The following MAGI2 variants were observed in gnomAD, a reference collection of about 807,000 sequenced individuals.
MAGI2 encodes membrane associated guanylate kinase, WW and PDZ domain containing 2.
A neutral mutation model predicts 133.3 loss-of-function variants in MAGI2; 35 were observed. The observed-to-expected ratio is 0.26, with a 90% CI of 0.20 to 0.35. The LOEUF is 0.35. MAGI2 is among the 10% of genes least tolerant of loss of function. The pLI is 1.00. For synonymous variants in MAGI2, 729 were observed against 710.6 expected, an observed-to-expected ratio of 1.03 and a Z score of -0.41; for missense variants, 1,636 against 1,863.4, an observed-to-expected ratio of 0.88 and a Z score of 2.25.
chr7:78,185,881 A>G (rs1415626622), intron 12 of MAGI2, among the ~76,000 whole-genome samples: 1 of 152,164 alleles, frequency 6.6e-6, no homozygotes, highest in Non-Finnish European at 1.5e-5. Flanking sequence ...TTTTACATGC[A>G]TCCAAAATAG....
At chr7:78,772,982 T>G (rs1825710776) in intron 2 of MAGI2, among the ~76,000 whole-genome samples, 1 of 152,262 alleles carries the variant, frequency 6.6e-6, no homozygotes, top group African/African-American at 2.4e-5. Flanking sequence ...GAGTTTTGTT[T>G]TGTTTGTTTT....
intron 2 of MAGI2, among the ~76,000 whole-genome samples, chr7:78,762,338 G>T (rs540389969): frequency 6.6e-6 from 1 of 152,122 alleles, no homozygotes; most frequent in Non-Finnish European, 1.5e-5. Flanking sequence ...AGTTACTCAG[G>T]AGGCTGAGGC....
At chr7:78,562,053 T>C (rs12705591) in intron 3 of MAGI2, among the ~76,000 whole-genome samples, 14,484 of 152,182 alleles carry the variant, frequency 0.095, 801 homozygotes, top group African/African-American at 0.13. Context: ...AACGCTCTAT[T>C]AGGGTACATG....
chr7:78,826,246 C>A (rs1342604610), intron 2 of MAGI2, among the ~76,000 whole-genome samples: 3 of 150,310 alleles, frequency 2.0e-5, no homozygotes, highest in Admixed American at 1.3e-4. Flanking sequence ...CCCAGCTATT[C>A]AGGAGGCTGA....
chr7:78,963,364 T>C (rs936939259), intron 2 of MAGI2, among the ~76,000 whole-genome samples: 1 of 152,132 alleles, frequency 6.6e-6, no homozygotes, highest in African/African-American at 2.4e-5. Flanking sequence ...GATATTTCAA[T>C]TGGAGTAGTA....
intron 2 of MAGI2, among the ~76,000 whole-genome samples, chr7:78,954,690 C>T (rs1464904285): frequency 6.6e-6 from 1 of 152,150 alleles, no homozygotes; most frequent in Non-Finnish European, 1.5e-5. Context: ...TCCCTGCATA[C>T]TGCATAACAT....
At chr7:78,343,532 G>C (rs1790604872) in intron 9 of MAGI2, among the ~76,000 whole-genome samples, 1 of 152,164 alleles carries the variant, frequency 6.6e-6, no homozygotes, top group South Asian at 2.1e-4. Context: ...AATCTCAAGA[G>C]TCCATTGAAT....
intron 2 of MAGI2, among the ~76,000 whole-genome samples, chr7:78,801,925 C>T (rs1175852523): frequency 6.6e-6 from 1 of 152,148 alleles, no homozygotes; most frequent in East Asian, 1.9e-4. Flanking sequence ...ACACCAAATA[C>T]TATGAAATGC....
chr7:78,395,089 T>G (rs2151324894), intron 6 of MAGI2, among the ~76,000 whole-genome samples: 1 of 152,344 alleles, frequency 6.6e-6, no homozygotes, highest in East Asian at 1.9e-4. Context: ...AGAAACATTC[T>G]TGGCTTCAGG....
chr7:78,733,469 T>C (rs1336658641), intron 2 of MAGI2, among the ~76,000 whole-genome samples: 1 of 152,230 alleles, frequency 6.6e-6, no homozygotes, highest in East Asian at 1.9e-4. Context: ...TTGCTTCACC[T>C]GAGCCTCTTA....
chr7:78,127,063 G>T, intron 19 of MAGI2, 134 bp downstream of exon 19: 1 of 633,592 alleles, frequency 1.6e-6, no homozygotes. Context: ...TTACCCCGAT[G>T]TTACCAGAAC....
chr7:78,932,609 A>G (rs1407770154), intron 2 of MAGI2, among the ~76,000 whole-genome samples: 1 of 152,182 alleles, frequency 6.6e-6, no homozygotes, highest in Non-Finnish European at 1.5e-5. Flanking sequence ...ACTTAATGGC[A>G]TGCAGATCAT....
In MAGI2 at chr7:78,135,016, C is replaced by G; in HGVS notation, c.3031+5G>C. ...CCTCTCTGCAAGGCTGCCTCAGGCA[C>G]TCACCCTCCTGAGGAATGATGCGAA... On this transcript the variant is annotated splice_donor_5th_base_variant and intron_variant, in intron 17 of 21. Transcript: ENST00000354212. 1 of 1,613,016 alleles carries G rather than the reference C, an allele frequency of 6.2e-7. No individual in the cohort carries two copies. Among genetic ancestry groups the G allele is most frequent in the Non-Finnish European group, 8.5e-7 (1 of 1,179,340 alleles).
chr7:79,056,291 A>T (rs932213847), intron 1 of MAGI2, among the ~76,000 whole-genome samples: 23 of 152,136 alleles, frequency 1.5e-4, no homozygotes, highest in Non-Finnish European at 5.9e-5. Context: ...AGAAGGCTGC[A>T]GGAGTTCAAG....
At chr7:78,248,242 C>T (rs1476368987) in intron 10 of MAGI2, among the ~76,000 whole-genome samples, 2 of 152,132 alleles carry the variant, frequency 1.3e-5, no homozygotes, top group Non-Finnish European at 2.9e-5. Context: ...ATCTGCCTTA[C>T]ATCAAATGCT....
chr7:78,534,165 C>T (rs1797695469), intron 3 of MAGI2, among the ~76,000 whole-genome samples: 2 of 152,120 alleles, frequency 1.3e-5, no homozygotes, highest in South Asian at 4.1e-4. Flanking sequence ...CAAAAAATCA[C>T]ACAAATACAA....
intron 6 of MAGI2, among the ~76,000 whole-genome samples, chr7:78,392,499 A>G (rs1422574475): frequency 6.6e-6 from 1 of 152,208 alleles, no homozygotes; most frequent in Non-Finnish European, 1.5e-5. Context: ...TGTATATATA[A>G]TATAGATCAA....
At chr7:79,078,648 G>A (rs958384382) in intron 1 of MAGI2, among the ~76,000 whole-genome samples, 5 of 152,130 alleles carry the variant, frequency 3.3e-5, no homozygotes, top group African/African-American at 9.7e-5. Flanking sequence ...AATAAAAGAG[G>A]CTATCTAGCT....
chr7:78,566,500 T>A (rs144163877), intron 3 of MAGI2, among the ~76,000 whole-genome samples: 1 of 142,698 alleles, frequency 7.0e-6, no homozygotes, highest in East Asian at 2.1e-4. Flanking sequence ...CTATCCAGGA[T>A]GATGAAAGAC....
Sources: gnomAD v4.1 joint callset for allele counts (sites outside exome capture counted in the v4.1 genomes callset) on GRCh38, gnomAD v4.1.1 for gene constraint, MANE v1.5 for transcripts, NCBI Gene and HGNC (gene_info 2026-07-23, HGNC 2026-07-21) for gene names.